NSD2: variants seen among roughly 807,000 people sequenced by gnomAD.
NSD2 encodes the protein nuclear receptor binding SET domain protein 2.
In NSD2, 12 loss-of-function variants were observed where a neutral mutation model predicts 139.0. The ratio of observed to expected loss-of-function variants is 0.09; its 90% CI spans 0.06 to 0.14. The LOEUF is 0.14. Among genes scored for constraint, NSD2 ranks in the 10% least tolerant of loss-of-function variants. NSD2 has a pLI of 1.00. For synonymous variants in NSD2, 669 were observed against 648.7 expected, an observed-to-expected ratio of 1.03 and a Z score of -0.48; for missense variants, 1,155 against 1,745.0, an observed-to-expected ratio of 0.66 and a Z score of 6.02.
chr4:1,928,506 T>C (rs2108846562), intron 5 of NSD2, among the ~76,000 whole-genome samples: 1 of 152,284 alleles, frequency 6.6e-6, no homozygotes, highest in Non-Finnish European at 1.5e-5. Context: ...ACCGTGAAGC[T>C]CGGAGACGTT....
intron 18 of NSD2, among the ~76,000 whole-genome samples, chr4:1,963,763 C>T (rs1725597899): frequency 6.6e-6 from 1 of 152,202 alleles, no homozygotes; most frequent in Non-Finnish European, 1.5e-5. Flanking sequence ...CCTGTAATCC[C>T]AGCACTTTGG....
intron 9 of NSD2, chr4:1,947,864 CAATGTG>C: frequency 9.5e-7 from 1 of 1,053,540 alleles, no homozygotes; most frequent in African/African-American, 1.7e-5. Context: ...ATTAAAAACT[CAATGTG>C]TATGACGCCA....
intron 7 of NSD2, among the ~76,000 whole-genome samples, chr4:1,937,657 T>G (rs1324872844): frequency 6.6e-6 from 1 of 152,210 alleles, no homozygotes; most frequent in East Asian, 1.9e-4. Flanking sequence ...AAGTGCATTC[T>G]CCTGTCGCCT....
rs1727639597 is a variant in NSD2 at position 1,980,382 on chromosome 4, A to AGG, written c.*1474_*1475insGG. 4.3e-6 allele frequency: 1 copy of AGG among 233,066 alleles called. No homozygotes were observed. The highest frequency in any genetic ancestry group is 5.6e-5 in the Admixed American group (1 of 17,768). The allele number at this position is 233,066 out of a possible 1,614,324, so 14.4% of individuals were successfully genotyped here. On this transcript the variant is annotated 3_prime_UTR_variant, in exon 22 of 22. Coordinates refer to ENST00000508803, the MANE Select transcript of NSD2 (RefSeq NM_001042424.3). The stretch of plus-strand genomic sequence containing the variant: ...GGGGCTGCTTGTCTGGGAGGGAGGG[A>AGG]GAGAACATTCAGCAGCAGGTGCTTT...
At chr4:1,930,889 G>C in intron 6 of NSD2, 119 bp downstream of exon 6, 1 of 1,349,518 alleles carries the variant, frequency 7.4e-7, no homozygotes, top group Non-Finnish European at 9.9e-7. Flanking sequence ...CTGACCCGTG[G>C]GGTTTGGGCC....
chr4:1,951,970 C>G, intron 10 of NSD2, 138 bp from the exon 11 acceptor site: 1 of 1,354,612 alleles, frequency 7.4e-7, no homozygotes, highest in Non-Finnish European at 9.9e-7. Context: ...GACGTTTGCC[C>G]ATGCATGTTA....
intron 18 of NSD2, among the ~76,000 whole-genome samples, chr4:1,968,140 G>GA (rs1166494356): frequency 2.0e-5 from 3 of 152,230 alleles, no homozygotes; most frequent in Admixed American, 1.3e-4. Flanking sequence ...GACAAAGATG[G>GA]AGAGAGCTGA....
At chr4:1,939,510 C>A in intron 8 of NSD2, 144 bp from the exon 9 acceptor site, 1 of 857,658 alleles carries the variant, frequency 1.2e-6, no homozygotes. Context: ...TCAGATTTTT[C>A]CATGATAGAA....
chr4:1,933,392 G>GT (rs963791031), intron 6 of NSD2, among the ~76,000 whole-genome samples: 3 of 152,054 alleles, frequency 2.0e-5, no homozygotes, highest in Non-Finnish European at 2.9e-5. Context: ...TCTGCAAGAT[G>GT]TTTTTTTTCT....
intron 5 of NSD2, among the ~76,000 whole-genome samples, chr4:1,920,419 G>A (rs1488216405): frequency 6.6e-6 from 1 of 152,138 alleles, no homozygotes; most frequent in African/African-American, 2.4e-5. Flanking sequence ...CTCCAGCCTG[G>A]GTAATCCTTA....
chr4:1,873,407 C>A (rs2108878490), intron 1 of NSD2, among the ~76,000 whole-genome samples: 1 of 152,150 alleles, frequency 6.6e-6, no homozygotes, highest in East Asian at 1.9e-4. Flanking sequence ...ACTTTTGGAG[C>A]CATGCACAAC....
chr4:1,951,443 T>TCCACACACACACACAC lies in NSD2; in HGVS notation c.2013+240_2013+241insCCACACACACACACAC, dbSNP rs1310266241. The stretch of plus-strand genomic sequence containing the variant: ...TGAGATTTGTATACACATCATGTAA[T>TCCACACACACACACAC]ACACACACACACACACACACACACA... On this transcript the variant is annotated intron_variant, in intron 10 of 21. Coordinates refer to ENST00000508803, the MANE Select transcript of NSD2 (RefSeq NM_001042424.3). 7.9e-5 allele frequency among the ~76,000 whole-genome samples: 8 copies of TCCACACACACACACAC among 101,030 alleles called. 1 individual carries two copies. Among genetic ancestry groups the TCCACACACACACACAC allele is most frequent in the East Asian group, 6.7e-4 (2 of 2,972 alleles). 66.3% of individuals were successfully genotyped at this position (101,030 alleles called of 152,430 possible). A position where few individuals can be genotyped will look rare whatever the true frequency, so the allele number is the denominator to read the frequency against.
At chr4:1,939,971 A>G in intron 9 of NSD2, 193 bp downstream of exon 9, 1 of 1,438,702 alleles carries the variant, frequency 7.0e-7, no homozygotes, top group Non-Finnish European at 9.1e-7. Flanking sequence ...AGTTTATTTG[A>G]GCACTTTTTA....
chr4:1,880,215 C>G (rs1013537476), intron 1 of NSD2, among the ~76,000 whole-genome samples: 1 of 152,088 alleles, frequency 6.6e-6, no homozygotes, highest in Admixed American at 6.6e-5. Context: ...AGCAAAGCAT[C>G]TTCTTCTCAT....
chr4:1,872,470 T>C lies in NSD2; in HGVS notation c.-30+928T>C, dbSNP rs78200706. Among the ~76,000 whole-genome samples the C allele has an allele frequency of 0.021, 3,271 of 152,296 alleles. 202 individuals carry two copies. The East Asian group carries it at 0.22, about 10-fold the overall frequency. On this transcript the variant is annotated intron_variant, in intron 1 of 21. Transcript: ENST00000508803. Reference sequence around the variant, plus strand: ...TAGGACCCATTGCAGCACGAATCTTTCTGTGCCCACGATGGGCTTTGACAT... The same window carrying C: ...TAGGACCCATTGCAGCACGAATCTTCCTGTGCCCACGATGGGCTTTGACAT...
At chr4:1,909,148 A>G (rs973726429) in intron 3 of NSD2, among the ~76,000 whole-genome samples, 8 of 151,930 alleles carry the variant, frequency 5.3e-5, no homozygotes, top group Non-Finnish European at 7.4e-5. Context: ...TGGGAGTTCT[A>G]TTAAGTTCCT....
intron 8 of NSD2, among the ~76,000 whole-genome samples, chr4:1,938,768 T>A (rs1722762129): frequency 6.6e-6 from 1 of 152,242 alleles, no homozygotes; most frequent in Admixed American, 6.5e-5. Flanking sequence ...TTTATTGAAG[T>A]TACTTTTTAC....
intron 3 of NSD2, among the ~76,000 whole-genome samples, chr4:1,914,074 G>A (rs772303052): frequency 6.6e-6 from 1 of 152,158 alleles, no homozygotes; most frequent in Non-Finnish European, 1.5e-5. Flanking sequence ...CCAGGCTAGA[G>A]TTCAGTGGCG....
rs986720893 is a variant in NSD2 at position 1,974,631 on chromosome 4, C to A, written c.3373-232C>A. The A allele has an allele frequency of 1.4e-6, 1 of 695,240 alleles. No individual in the cohort carries two copies. Among genetic ancestry groups the A allele is most frequent in the Non-Finnish European group, 2.6e-6 (1 of 378,530 alleles). The allele number at this position is 695,240 out of a possible 1,614,324, so 43.1% of individuals were successfully genotyped here. A position where few individuals can be genotyped will look rare whatever the true frequency, so the allele number is the denominator to read the frequency against. Reference sequence around the variant, plus strand: ...GAGCTCCAGCTCCCTGTCCTGTCCTCCCCGGCGCTCACTAAGGCTCGGTCC... The same window carrying A: ...GAGCTCCAGCTCCCTGTCCTGTCCTACCCGGCGCTCACTAAGGCTCGGTCC... On this transcript the variant is annotated intron_variant, in intron 18 of 21. Coordinates refer to ENST00000508803, the MANE Select transcript of NSD2 (RefSeq NM_001042424.3). This position sits in a 1 kb window ranked among gnomAD's most constrained non-coding sequence, Gnocchi z 4.0.
Sources: gnomAD v4.1 joint callset for allele counts (sites outside exome capture counted in the v4.1 genomes callset) on GRCh38, gnomAD v4.1.1 for gene constraint, Gnocchi (gnomAD v3.1) non-coding constraint, MANE v1.5 for transcripts, NCBI Gene and HGNC (gene_info 2026-07-23, HGNC 2026-07-21) for gene names.